Variants in BMPER observed in about 807,000 individuals in gnomAD.
BMPER encodes BMP binding endothelial regulator, also known as BMP-binding endothelial regulator protein.
A neutral mutation model predicts 87.3 loss-of-function variants in BMPER; 45 were observed. The observed-to-expected ratio is 0.52, with a 90% CI of 0.41 to 0.66. BMPER has a LOEUF of 0.66. Ranked by LOEUF, BMPER falls within the 30% of genes least tolerant of loss-of-function variation. The pLI is 0.00. For synonymous variants in BMPER, 326 were observed against 316.2 expected (o/e 1.03, Z -0.33); for missense variants, 784 against 867.5 (o/e 0.90, Z 1.21).
At chr7:34,057,205 G>A (rs572173570) in intron 9 of BMPER, among the ~76,000 whole-genome samples, 43 of 152,294 alleles carry the variant, frequency 2.8e-4, no homozygotes, top group African/African-American at 1.0e-3. Context: ...AGCTCAGGAA[G>A]GAATCCTTGT....
chr7:33,951,051 CTT>C (rs540716363), intron 3 of BMPER, among the ~76,000 whole-genome samples: 3 of 141,856 alleles, frequency 2.1e-5, no homozygotes, highest in Non-Finnish European at 4.7e-5. Context: ...CCTGGTGGGA[CTT>C]TTTTTTTTTT....
chr7:34,153,219 C>T lies in BMPER; in HGVS notation c.2004C>T (p.Asn668=). The change falls in exon 15 of 15, where the codon AAC becomes AAT. Residue 668 remains asparagine, a synonymous_variant. Transcript: ENST00000649409. ...PCVAGCHCPA[N]LVLHKGRCIK... is the part of the protein sequence containing the mutation. ...TTGCTGGGTGCCACTGTCCAGCAAA[C>T]TTGGTCCTTCACAAGGGAAGGTGCA... 1 of 1,614,104 alleles carries T rather than the reference C, an allele frequency of 6.2e-7. No homozygotes were observed. The highest frequency in any genetic ancestry group is 1.6e-4 in the Middle Eastern group (1 of 6,062).
intron 6 of BMPER, among the ~76,000 whole-genome samples, chr7:33,976,636 A>G (rs1483817295): frequency 6.6e-6 from 1 of 152,170 alleles, no homozygotes; most frequent in East Asian, 1.9e-4. Context: ...ATAGGAAATT[A>G]TAAATGTGCA....
intron 2 of BMPER, among the ~76,000 whole-genome samples, chr7:33,917,485 G>A (rs532188963): frequency 3.3e-5 from 5 of 152,058 alleles, no homozygotes; most frequent in South Asian, 4.2e-4. Flanking sequence ...GTAAACTGAC[G>A]GGCAATTATA....
chr7:33,966,324 C>G (rs966114375), intron 3 of BMPER, among the ~76,000 whole-genome samples, 155 bp from the exon 4 acceptor site: 2 of 152,116 alleles, frequency 1.3e-5, no homozygotes, highest in African/African-American at 4.8e-5. Flanking sequence ...ACTTAGAAGG[C>G]TTAGTTGTGT....
chr7:33,968,592 C>T (rs1417412223), intron 4 of BMPER, among the ~76,000 whole-genome samples: 1 of 152,146 alleles, frequency 6.6e-6, no homozygotes, highest in African/African-American at 2.4e-5. Context: ...ACTTTAACTA[C>T]CTATAAAACA....
chr7:34,066,684 C>A (rs772226740), intron 11 of BMPER, among the ~76,000 whole-genome samples: 8 of 152,170 alleles, frequency 5.3e-5, no homozygotes, highest in Non-Finnish European at 1.0e-4. Flanking sequence ...CAGGTGGAAT[C>A]TTGACCTAAC....
intron 2 of BMPER, among the ~76,000 whole-genome samples, chr7:33,934,044 G>A (rs1225041460): frequency 1.3e-5 from 2 of 152,188 alleles, no homozygotes; most frequent in African/African-American, 4.8e-5. Context: ...AGATGTGAAC[G>A]GAATGAGCCC....
chr7:33,963,605 C>A (rs1289619346), intron 3 of BMPER, among the ~76,000 whole-genome samples: 2 of 152,068 alleles, frequency 1.3e-5, no homozygotes, highest in Non-Finnish European at 2.9e-5. Context: ...ACCAGCCTGG[C>A]CAACATGGTG....
intron 13 of BMPER, among the ~76,000 whole-genome samples, chr7:34,114,228 G>C (rs1263253971): frequency 6.6e-6 from 1 of 152,194 alleles, no homozygotes; most frequent in African/African-American, 2.4e-5. Context: ...GAGTCCCCAG[G>C]AATTTAACCC....
chr7:33,986,782 A>C (rs541632611), intron 6 of BMPER, among the ~76,000 whole-genome samples: 2 of 152,318 alleles, frequency 1.3e-5, no homozygotes, highest in Middle Eastern at 3.4e-3. Flanking sequence ...TTTAGTCAAC[A>C]AAATAGGATA....
intron 9 of BMPER, among the ~76,000 whole-genome samples, chr7:34,056,824 G>T (rs143383870): frequency 6.6e-6 from 1 of 152,144 alleles, no homozygotes; most frequent in African/African-American, 2.4e-5. Context: ...TGCCATGTTG[G>T]TCAGGCTGAT....
chr7:34,113,470 ATTTATTTTAT>A (rs5883451), intron 13 of BMPER, among the ~76,000 whole-genome samples: 1 of 149,598 alleles, frequency 6.7e-6, no homozygotes, highest in African/African-American at 2.5e-5. Flanking sequence ...TTACAGTTTC[ATTTATTTTAT>A]TTTATTTTAA....
chr7:34,141,192 G>C (rs1303773643), intron 13 of BMPER, among the ~76,000 whole-genome samples: 7 of 151,278 alleles, frequency 4.6e-5, no homozygotes, highest in African/African-American at 1.7e-4. Flanking sequence ...AGCTTTATTT[G>C]GCTTCTCTTT....
intron 13 of BMPER, among the ~76,000 whole-genome samples, chr7:34,092,262 G>GACTTC (rs1789407060): frequency 1.3e-5 from 2 of 152,174 alleles, no homozygotes; most frequent in Admixed American, 1.3e-4. Flanking sequence ...GCAACTCCCA[G>GACTTC]TGGCAGGCAA....
intron 11 of BMPER, among the ~76,000 whole-genome samples, chr7:34,078,530 G>T (rs1013032034): frequency 2.6e-5 from 4 of 152,104 alleles, no homozygotes; most frequent in African/African-American, 9.7e-5. Flanking sequence ...TGTGTGGGTG[G>T]TGAAGTAAGG....
chr7:34,092,475 C>T (rs1426925462), intron 13 of BMPER, among the ~76,000 whole-genome samples: 2 of 152,166 alleles, frequency 1.3e-5, no homozygotes, highest in East Asian at 3.9e-4. Flanking sequence ...TATGGTGTTA[C>T]AACAACTGGA....
chr7:33,972,811 A>G (rs2128619288), intron 5 of BMPER, among the ~76,000 whole-genome samples: 1 of 152,338 alleles, frequency 6.6e-6, no homozygotes, highest in Middle Eastern at 3.4e-3. Flanking sequence ...TCATGAATCA[A>G]TTTCATTCCC....
intron 11 of BMPER, among the ~76,000 whole-genome samples, chr7:34,065,245 TCTCC>T (rs1562720579): frequency 2.0e-5 from 3 of 147,352 alleles, no homozygotes; most frequent in Non-Finnish European, 3.0e-5. Context: ...TCTCTCTCTC[TCTCC>T]CTCTCTCTCT....
Sources: gnomAD v4.1 joint callset for allele counts (sites outside exome capture counted in the v4.1 genomes callset) on GRCh38, gnomAD v4.1.1 for gene constraint, MANE v1.5 for transcripts, NCBI Gene and HGNC (gene_info 2026-07-23, HGNC 2026-07-21) for gene names.